The following OPHN1 variants were observed in gnomAD, a reference collection of about 807,000 sequenced individuals.
OPHN1 encodes the protein oligophrenin 1, also known as oligophrenin-1.
A neutral mutation model predicts 60.7 loss-of-function variants in OPHN1; 11 were observed. The observed-to-expected ratio is 0.18, with a 90% CI of 0.11 to 0.30. OPHN1 has a LOEUF of 0.30. Ranked by LOEUF, OPHN1 falls within the 10% of genes least tolerant of loss-of-function variation. OPHN1 has a pLI of 1.00. For synonymous variants in OPHN1, 226 were observed against 222.6 expected, an observed-to-expected ratio of 1.02 and a Z score of -0.14; for missense variants, 449 against 611.0, an observed-to-expected ratio of 0.73 and a Z score of 2.80.
At chrX:68,265,331 C>A (rs1040752941) in intron 5 of OPHN1, among the ~76,000 whole-genome samples, 1 of 111,720 alleles carries the variant, frequency 9.0e-6, no homozygotes, top group African/African-American at 3.3e-5. Context: ...TGAGACAAAA[C>A]TTCCAGAGGA....
intron 23 of OPHN1, among the ~76,000 whole-genome samples, chrX:68,051,569 A>G (rs952532517): frequency 8.9e-6 from 1 of 111,849 alleles, no homozygotes; most frequent in Non-Finnish European, 1.9e-5. Context: ...CCTAAGTCCA[A>G]TGTTTACCTT....
intron 2 of OPHN1, among the ~76,000 whole-genome samples, chrX:68,370,581 A>G (rs1390271020): frequency 9.0e-6 from 1 of 111,605 alleles, no homozygotes; most frequent in Non-Finnish European, 1.9e-5. Context: ...GGTAAAGGTA[A>G]CTACACAGGC....
intron 7 of OPHN1, among the ~76,000 whole-genome samples, chrX:68,212,963 A>G: frequency 8.9e-6 from 1 of 112,767 alleles, no homozygotes; most frequent in South Asian, 3.6e-4. Flanking sequence ...ATGCTAAAAG[A>G]TCAAAGGAGT....
chrX:68,265,463 G>A (rs1032177895), intron 5 of OPHN1, among the ~76,000 whole-genome samples: 1 of 112,129 alleles, frequency 8.9e-6, no homozygotes, highest in African/African-American at 3.2e-5. Context: ...CTGAAGCTGA[G>A]GGTCCTGACT....
chrX:68,118,112 G>T (rs934036070), intron 16 of OPHN1, among the ~76,000 whole-genome samples: 9 of 111,739 alleles, frequency 8.1e-5, no homozygotes, highest in Non-Finnish European at 1.1e-4. Context: ...TAGGGGGCAG[G>T]AGAAGAAGAT....
chrX:68,109,654 T>G (rs2077096064), intron 18 of OPHN1, among the ~76,000 whole-genome samples: 1 of 111,717 alleles, frequency 9.0e-6, no homozygotes, highest in African/African-American at 3.3e-5. Flanking sequence ...TGTGTGTGTA[T>G]TCTTACATAT....
intron 5 of OPHN1, among the ~76,000 whole-genome samples, chrX:68,246,762 T>C (rs1370845644): frequency 9.0e-6 from 1 of 111,509 alleles, no homozygotes; most frequent in Non-Finnish European, 1.9e-5. Context: ...AATCTGTTAT[T>C]TTCTGAGTAG....
intron 18 of OPHN1, among the ~76,000 whole-genome samples, chrX:68,108,637 T>G (rs945466751): frequency 9.0e-6 from 1 of 111,627 alleles, no homozygotes; most frequent in African/African-American, 3.2e-5. Flanking sequence ...ATAAACCTAC[T>G]GAGTGTTGCT....
In OPHN1 at chrX:68,201,665, C is replaced by T; in HGVS notation, c.979G>A (p.Glu327Lys). 2.5e-6 allele frequency: 3 copies of T among 1,210,809 alleles called. No homozygotes were observed. Among genetic ancestry groups the T allele is most frequent in the Non-Finnish European group, 3.4e-6 (3 of 894,707 alleles). ...AAACAGAACCTCTTGTCGATAGACT[C>T]CGTCTTCCTTCTCACACAGTACTTC... The part of the protein sequence containing the change: ...TLKYCVRRKT[E>K]SIDKRFCFDI... The change falls in exon 11 of 25, where the codon GAG (glutamate) becomes AAG (lysine). Residue 327 changes from glutamate (E) to lysine (K), a missense_variant. Physicochemically the swap from Glu to Lys is moderately conservative, Grantham distance 56. Coordinates refer to ENST00000355520, the MANE Select transcript of OPHN1 (RefSeq NM_002547.3).
In OPHN1 at chrX:68,133,025, C is replaced by T. The variant is rs1000484957; in HGVS notation, c.1277-13693G>A. ...GCCGCCGCTTCAGACGCAGACCCTA[C>T]CGCCAACTCTGCAGCAGTCCGCCCC... On this transcript the variant is annotated intron_variant, in intron 15 of 24. Coordinates refer to ENST00000355520, the MANE Select transcript of OPHN1 (RefSeq NM_002547.3). 4 of 484,195 alleles carry T rather than the reference C, an allele frequency of 8.3e-6. No homozygotes were observed. The African/African-American group carries it at 9.3e-5, about 11-fold the overall frequency. The allele number at this position is 484,195 out of a possible 1,213,427, so 39.9% of individuals were successfully genotyped here.
At chrX:68,091,086 C>T (rs1228027767) in intron 19 of OPHN1, among the ~76,000 whole-genome samples, 2 of 111,173 alleles carry the variant, frequency 1.8e-5, no homozygotes, top group East Asian at 5.7e-4. Flanking sequence ...AACAGGTCCC[C>T]CTTTCCCTGA....
intron 18 of OPHN1, among the ~76,000 whole-genome samples, chrX:68,100,769 T>C (rs1474538945): frequency 2.7e-5 from 3 of 110,001 alleles, no homozygotes; most frequent in African/African-American, 9.9e-5. Flanking sequence ...ATTTTTGAGA[T>C]GGAGTCTCAC....
chrX:68,049,258 C>T (rs1227716157), intron 23 of OPHN1, among the ~76,000 whole-genome samples: 4 of 111,977 alleles, frequency 3.6e-5, no homozygotes, highest in South Asian at 3.8e-4. Flanking sequence ...TCTATCTCTA[C>T]CTAAGTCTCA....
At chrX:68,321,685 T>C (rs1269989535) in intron 2 of OPHN1, among the ~76,000 whole-genome samples, 1 of 111,975 alleles carries the variant, frequency 8.9e-6, no homozygotes, top group African/African-American at 3.2e-5. Flanking sequence ...CCCAGCACTT[T>C]GGGAGGCCAA....
chrX:68,390,940 C>T (rs1270538672), intron 2 of OPHN1, among the ~76,000 whole-genome samples: 2 of 111,857 alleles, frequency 1.8e-5, no homozygotes, highest in Non-Finnish European at 3.8e-5. Context: ...GTTGGTAGGG[C>T]TGCATTCTTC....
At chrX:68,156,869 T>C (rs2077311828) in intron 15 of OPHN1, among the ~76,000 whole-genome samples, 1 of 111,664 alleles carries the variant, frequency 9.0e-6, no homozygotes, top group African/African-American at 3.3e-5. Context: ...ATCCCGATAA[T>C]TGAACTCTTG....
intron 10 of OPHN1, among the ~76,000 whole-genome samples, chrX:68,203,284 C>T (rs1264205173): frequency 9.0e-6 from 1 of 111,180 alleles, no homozygotes. Flanking sequence ...AATCATATTC[C>T]ATCTCTAAGT....
chrX:68,292,190 G>A (rs772807262), intron 3 of OPHN1, among the ~76,000 whole-genome samples: 3 of 111,135 alleles, frequency 2.7e-5, no homozygotes, highest in Admixed American at 9.6e-5. Flanking sequence ...GGTATGCATC[G>A]CTGAGCCCAG....
intron 2 of OPHN1, among the ~76,000 whole-genome samples, chrX:68,403,127 A>C (rs1378213541): frequency 8.9e-6 from 1 of 112,372 alleles, no homozygotes; most frequent in African/African-American, 3.2e-5. Flanking sequence ...ATTAAGATAC[A>C]GTCCTAGCCG....
Sources: gnomAD v4.1 joint callset for allele counts (sites outside exome capture counted in the v4.1 genomes callset) on GRCh38, gnomAD v4.1.1 for gene constraint, MANE v1.5 for transcripts, NCBI Gene and HGNC (gene_info 2026-07-23, HGNC 2026-07-21) for gene names.